MYOCOS: variants seen among roughly 807,000 people sequenced by gnomAD.
MYOCOS encodes myocilin opposite strand.
chr1:171,623,447 C>A (rs1049738752), intron 1 of MYOCOS, among the ~76,000 whole-genome samples: 3 of 152,120 alleles, frequency 2.0e-5, no homozygotes, highest in African/African-American at 7.2e-5. Flanking sequence ...GAGAAAAGGG[C>A]TCCTCTGGAA....
chr1:171,624,717 G>T (rs540540405), intron 2 of MYOCOS, among the ~76,000 whole-genome samples: 4 of 152,032 alleles, frequency 2.6e-5, no homozygotes, highest in Admixed American at 6.6e-5. Context: ...AAAGTGCTGG[G>T]ATTACAGGCG....
intron 1 of MYOCOS, among the ~76,000 whole-genome samples, chr1:171,612,794 C>T (rs1652379034): frequency 6.6e-6 from 1 of 152,172 alleles, no homozygotes; most frequent in African/African-American, 2.4e-5. Flanking sequence ...CGTGCCATTG[C>T]ACTCCAACCT....
At chr1:171,625,170 G>A (rs1478069231) in intron 2 of MYOCOS, among the ~76,000 whole-genome samples, 1 of 152,128 alleles carries the variant, frequency 6.6e-6, no homozygotes, top group Non-Finnish European at 1.5e-5. Flanking sequence ...TGATACCACG[G>A]GTTTAGACCG....
intron 1 of MYOCOS, chr1:171,604,398 A>T (rs1237195457): frequency 6.6e-6 from 1 of 152,230 alleles, no homozygotes; most frequent in Non-Finnish European, 1.5e-5. Flanking sequence ...AGATTGCTAC[A>T]GTCCTATTAT....
At chr1:171,618,408 CGT>C (rs1272445766), upstream of MYOCOS, among the ~76,000 whole-genome samples, 2 of 152,196 alleles carry the variant, frequency 1.3e-5, no homozygotes, top group Non-Finnish European at 2.9e-5. Context: ...GAGTCACATT[CGT>C]GATAGCGAGC....
rs1652712543 is a variant in MYOCOS at position 171,626,688 on chromosome 1, T to C, written c.*87T>C. The C allele has an allele frequency of 2.5e-6, 1 of 398,036 alleles. No homozygotes were observed. The highest frequency in any genetic ancestry group is 4.4e-6 in the Non-Finnish European group (1 of 225,862). 24.7% of individuals were successfully genotyped at this position (398,036 alleles called of 1,614,324 possible). ...ATTCTTGAGGTTTGTCTTAGAAGAC[T>C]CTTGAAGATCTTTGTTCTTTCCTAT... On this transcript the variant is annotated 3_prime_UTR_variant, in exon 3 of 3. Coordinates refer to ENST00000637642, the MANE Select transcript of MYOCOS (RefSeq NM_001391940.1).
rs192440876 is a variant in MYOCOS, at chr1:171,622,570, C to T, written c.-44+238C>T. ...GTTGGTGCGTAAAAGCAGTTATATG[C>T]TAAGCTGACCTGGGACTAAAAGGTA... On this transcript the variant is annotated intron_variant, in intron 1 of 2. Coordinates refer to ENST00000637642, the MANE Select transcript of MYOCOS (RefSeq NM_001391940.1). 6.6e-5 allele frequency among the ~76,000 whole-genome samples: 10 copies of T among 152,270 alleles called. No homozygotes were observed. In the East Asian group the frequency reaches 1.4e-3, roughly 21 times the overall value.
At chr1:171,618,225 T>TG (rs1295840837), upstream of MYOCOS, among the ~76,000 whole-genome samples, 2 of 152,340 alleles carry the variant, frequency 1.3e-5, no homozygotes, top group Admixed American at 1.3e-4. Context: ...TCACCTGGGT[T>TG]GGCACTCAAC....
At position 171,615,631 on chromosome 1, in the gene MYOCOS, A is replaced by G. The variant is rs113818398; in HGVS notation, c.-44+626A>G. Among the ~76,000 whole-genome samples the G allele has an allele frequency of 8.7e-3, 1,322 of 152,334 alleles. 15 individuals are homozygous for G. Among genetic ancestry groups the G allele is most frequent in the African/African-American group, 0.029 (1,226 of 41,578 alleles). On this transcript the variant is annotated intron_variant, in intron 2 of 3. Transcript: ENST00000636697. ...GTTATTCATAGATTCTAGACATTGT[A>G]TAGAAGAACATTGTGAAACTCCCTG...
At position 171,626,270 on chromosome 1, in the gene MYOCOS, G is replaced by A. The variant is rs539972332; in HGVS notation, c.96-184G>A. Among the ~76,000 whole-genome samples, 207 of 152,112 alleles carry A rather than the reference G, an allele frequency of 1.4e-3. 1 individual carries two copies. Among genetic ancestry groups the A allele is most frequent in the Middle Eastern group, 3.4e-3 (1 of 294 alleles). On this transcript the variant is annotated intron_variant, in intron 2 of 2. Transcript: ENST00000637642. ...GCTAATTTTTATTTTCTTGTGGAAA[G>A]GGGGTCTCCCTATGTTGTCCAGGCT...
chr1:171,614,513 C>A (rs1358724840), intron 1 of MYOCOS, among the ~76,000 whole-genome samples: 1 of 152,168 alleles, frequency 6.6e-6, no homozygotes, highest in Non-Finnish European at 1.5e-5. Context: ...TTCATATCCC[C>A]AGTTGTGGGC....
chr1:171,603,375 C>G lies in MYOCOS; in HGVS notation c.-252+2295C>G, dbSNP rs563289667. ...TAGTCCACTTGGCTATCCCTTTCACCCTGGCATTTCATCAACCAGAGGAAA... is the reference window on the plus strand; with the variant it reads ...TAGTCCACTTGGCTATCCCTTTCACGCTGGCATTTCATCAACCAGAGGAAA... On this transcript the variant is annotated intron_variant, in intron 1 of 3. Coordinates refer to the MYOCOS transcript ENST00000636697. Among the ~76,000 whole-genome samples the G allele has an allele frequency of 2.0e-5, 3 of 152,136 alleles. No homozygotes were observed. The East Asian group carries it at 5.8e-4, about 29-fold the overall frequency.
Position 171,622,686 on chromosome 1 carries a change from G to GCA in MYOCOS, c.-44+355_-44+356dup, listed in dbSNP as rs1295148100. On this transcript the variant is annotated intron_variant, in intron 1 of 2. Transcript: ENST00000637642. ...CTGTTGCAACTCATGCTCTAGAATG[G>GCA]CAGTCACCACGTGAGTGTGACCTGG... 2.9e-5 allele frequency among the ~76,000 whole-genome samples: 3 copies of GCA among 104,430 alleles called. No individual in the cohort carries two copies. In the Admixed American group the frequency reaches 2.9e-4, roughly 10 times the overall value. The allele number at this position is 104,430 out of a possible 152,430, so 68.5% of individuals were successfully genotyped here.
At chr1:171,626,011 G>T (rs1652687572) in intron 2 of MYOCOS, among the ~76,000 whole-genome samples, 1 of 152,030 alleles carries the variant, frequency 6.6e-6, no homozygotes, top group Non-Finnish European at 1.5e-5. Context: ...GGGTGGAGGA[G>T]CTTGGAAAGA....
At chr1:171,605,817 A>G (rs1652234540) in intron 1 of MYOCOS, among the ~76,000 whole-genome samples, 1 of 152,196 alleles carries the variant, frequency 6.6e-6, no homozygotes, top group African/African-American at 2.4e-5. Flanking sequence ...ACCGAATCAT[A>G]CGGTTACAAG....
At chr1:171,612,069 T>G (rs1216614420) in intron 1 of MYOCOS, among the ~76,000 whole-genome samples, 1 of 151,920 alleles carries the variant, frequency 6.6e-6, no homozygotes, top group Non-Finnish European at 1.5e-5. Context: ...TAGGTTTCTT[T>G]TCTTTTCTTT....
In MYOCOS at chr1:171,626,562, C is replaced by A; in HGVS notation, c.204C>A (p.Ala68=). Residue 68 remains alanine, a synonymous_variant, in exon 3 of 3, where the codon GCC becomes GCA. Transcript: ENST00000637642. ...GGACCTACCTCACAGTACCTCCTGC[C>A]CCACCTCCTTCTCCAGCTGAGGATC... The part of the protein sequence containing the change: ...PHRTYLTVPP[A]PPPSPAEDPT... The A allele has an allele frequency of 2.5e-6, 1 of 398,616 alleles. No homozygotes were observed. Among genetic ancestry groups the A allele is most frequent in the Non-Finnish European group, 4.4e-6 (1 of 226,066 alleles). The allele number at this position is 398,616 out of a possible 1,614,324, so 24.7% of individuals were successfully genotyped here.
At chr1:171,615,877 G>C (rs1180118172) in intron 2 of MYOCOS, among the ~76,000 whole-genome samples, 1 of 152,166 alleles carries the variant, frequency 6.6e-6, no homozygotes, top group Non-Finnish European at 1.5e-5. Flanking sequence ...TGTCTGAGAG[G>C]TTTTGTCTGT....
chr1:171,620,086 T>A (rs895337852), upstream of MYOCOS, among the ~76,000 whole-genome samples: 3 of 147,670 alleles, frequency 2.0e-5, no homozygotes, highest in Admixed American at 1.4e-4. Context: ...TATATATATA[T>A]AACCTATATA....
Sources: gnomAD v4.1 joint callset for allele counts (sites outside exome capture counted in the v4.1 genomes callset) on GRCh38, gnomAD v4.1.1 for gene constraint, MANE v1.5 for transcripts, NCBI Gene and HGNC (gene_info 2026-07-23, HGNC 2026-07-21) for gene names.